The following COL23A1 variants were observed in gnomAD, a reference collection of about 807,000 sequenced individuals.
COL23A1 encodes the protein collagen alpha-1(XXIII) chain.
A neutral mutation model predicts 99.3 loss-of-function variants in COL23A1; 97 were observed. The observed-to-expected ratio is 0.98, with a 90% CI of 0.83 to 1.16. The LOEUF is 1.16. Ranked by LOEUF, COL23A1 falls within the 50% of genes most tolerant of loss-of-function variation. COL23A1 has a pLI of 0.00. For missense variants in COL23A1, 762 were observed against 757.4 expected (o/e 1.01, Z -0.07); for synonymous variants, 320 against 308.2 (o/e 1.04, Z -0.40).
At chr5:178,467,313 C>G (rs1045144337) in intron 2 of COL23A1, among the ~76,000 whole-genome samples, 5 of 152,184 alleles carry the variant, frequency 3.3e-5, no homozygotes, top group African/African-American at 1.2e-4. Flanking sequence ...CCCTTCCCTG[C>G]CCCTGGTGGA....
chr5:178,321,235 C>T (rs1172873246), intron 2 of COL23A1, among the ~76,000 whole-genome samples: 1 of 152,192 alleles, frequency 6.6e-6, no homozygotes, highest in Non-Finnish European at 1.5e-5. Context: ...CAGCACCATC[C>T]CTCTCCAAAG....
At chr5:178,586,132 G>A (rs931070795) in intron 1 of COL23A1, among the ~76,000 whole-genome samples, 1 of 152,342 alleles carries the variant, frequency 6.6e-6, no homozygotes, top group Admixed American at 6.5e-5. Context: ...GTGGTACTCA[G>A]GTGTGGCCAA....
intron 2 of COL23A1, among the ~76,000 whole-genome samples, chr5:178,359,467 G>T (rs1762059248): frequency 6.6e-6 from 1 of 152,182 alleles, no homozygotes; most frequent in African/African-American, 2.4e-5. Flanking sequence ...GGTGGAGTTT[G>T]CAGTGAGCTG....
At chr5:178,263,735 G>A (rs1295294796) in intron 8 of COL23A1, among the ~76,000 whole-genome samples, 1 of 152,150 alleles carries the variant, frequency 6.6e-6, no homozygotes, top group Non-Finnish European at 1.5e-5. Flanking sequence ...GTATGGAGGG[G>A]CACTCTTGGG....
intron 2 of COL23A1, among the ~76,000 whole-genome samples, chr5:178,523,143 A>T (rs1308321939): frequency 2.8e-5 from 3 of 106,228 alleles, no homozygotes; most frequent in Non-Finnish European, 4.1e-5. Flanking sequence ...TCTATTTAAA[A>T]ATATATATAT....
At chr5:178,551,497 C>T (rs964803415) in intron 2 of COL23A1, among the ~76,000 whole-genome samples, 1 of 152,274 alleles carries the variant, frequency 6.6e-6, no homozygotes, top group African/African-American at 2.4e-5. Context: ...ATTGATCCCT[C>T]TTTGGGGATT....
intron 2 of COL23A1, among the ~76,000 whole-genome samples, chr5:178,550,277 G>A (rs1179144620): frequency 6.6e-6 from 1 of 152,208 alleles, no homozygotes; most frequent in African/African-American, 2.4e-5. Context: ...TCAAGGAAAT[G>A]TTTTCTTCTA....
chr5:178,578,542 AT>A (rs1238308225), intron 1 of COL23A1, among the ~76,000 whole-genome samples: 1 of 152,198 alleles, frequency 6.6e-6, no homozygotes, highest in Admixed American at 6.5e-5. Context: ...AGTAGATTTT[AT>A]TTAAACTGTC....
At chr5:178,341,722 G>A (rs774007240) in intron 2 of COL23A1, among the ~76,000 whole-genome samples, 13 of 152,006 alleles carry the variant, frequency 8.6e-5, no homozygotes, top group African/African-American at 9.7e-5. Flanking sequence ...CCCTGACCTC[G>A]TCTCCCACTC....
At chr5:178,319,934 C>T (rs562319896) in intron 2 of COL23A1, among the ~76,000 whole-genome samples, 17 of 152,302 alleles carry the variant, frequency 1.1e-4, no homozygotes, top group South Asian at 6.2e-4. Flanking sequence ...CATGCCCCTC[C>T]GTCACTCCTC....
At chr5:178,437,049 C>T (rs1220369551) in intron 2 of COL23A1, among the ~76,000 whole-genome samples, 1 of 152,244 alleles carries the variant, frequency 6.6e-6, no homozygotes, top group South Asian at 2.1e-4. Context: ...CTGTCTATTG[C>T]CAAGTCATAT....
At position 178,259,994 on chromosome 5, in the gene COL23A1, C is replaced by T. The variant is rs2973746; in HGVS notation, c.703-247G>A. Among the ~76,000 whole-genome samples, 12 of 152,192 alleles carry T rather than the reference C, an allele frequency of 7.9e-5. No homozygotes were observed. In the South Asian group the frequency reaches 2.3e-3, roughly 29 times the overall value. ...TTGAAAGTGGAGAGGTGACTCCTGC[C>T]GTCTCAGAGGGTTTTGGAGGATGAG... On this transcript the variant is annotated intron_variant, in intron 11 of 28. Coordinates refer to ENST00000390654, the MANE Select transcript of COL23A1 (RefSeq NM_173465.4).
At chr5:178,242,713 G>A (rs1252121338) in intron 25 of COL23A1, among the ~76,000 whole-genome samples, 1 of 152,232 alleles carries the variant, frequency 6.6e-6, no homozygotes, top group Non-Finnish European at 1.5e-5. Context: ...GCTGGGGACA[G>A]AGACCCCGGA....
At chr5:178,331,075 T>C (rs914927822) in intron 2 of COL23A1, among the ~76,000 whole-genome samples, 2 of 152,204 alleles carry the variant, frequency 1.3e-5, no homozygotes, top group African/African-American at 4.8e-5. Flanking sequence ...GCTTCATAAG[T>C]ATTGGCTGAA....
At chr5:178,416,241 C>T (rs965745763) in intron 2 of COL23A1, among the ~76,000 whole-genome samples, 2 of 152,202 alleles carry the variant, frequency 1.3e-5, no homozygotes, top group South Asian at 4.1e-4. Context: ...CAACTAGTTG[C>T]CAGGGACCCA....
At chr5:178,469,195 G>A (rs1561998962) in intron 2 of COL23A1, among the ~76,000 whole-genome samples, 1 of 152,214 alleles carries the variant, frequency 6.6e-6, no homozygotes, top group Non-Finnish European at 1.5e-5. Flanking sequence ...TGTGAACAAT[G>A]CTGCCCTGAA....
chr5:178,268,516 G>C (rs1394160763), intron 7 of COL23A1, among the ~76,000 whole-genome samples: 1 of 152,192 alleles, frequency 6.6e-6, no homozygotes, highest in African/African-American at 2.4e-5. Context: ...GAGAACTCAA[G>C]ACTCAACTCT....
At chr5:178,289,144 T>C (rs1159272376) in intron 4 of COL23A1, among the ~76,000 whole-genome samples, 4 of 151,718 alleles carry the variant, frequency 2.6e-5, no homozygotes, top group Non-Finnish European at 4.4e-5. Flanking sequence ...TGGGGCTGCA[T>C]GCACCGAGAA....
intron 16 of COL23A1, among the ~76,000 whole-genome samples, chr5:178,253,378 G>C (rs963756817): frequency 6.6e-6 from 1 of 151,860 alleles, no homozygotes; most frequent in African/African-American, 2.4e-5. Context: ...CCCAGGCCCA[G>C]GACCTCCCTG....
Sources: allele counts gnomAD v4.1 joint callset (sites outside exome capture counted in the v4.1 genomes callset), GRCh38; gene constraint gnomAD v4.1.1; transcripts MANE v1.5; gene names NCBI Gene and HGNC (gene_info 2026-07-23, HGNC 2026-07-21).